Variants in PID1 observed in about 807,000 individuals in gnomAD.
The protein encoded by PID1 is PTB-containing, cubilin and LRP1-interacting protein.
A neutral mutation model predicts 19.1 loss-of-function variants in PID1; 10 were observed. The ratio of observed to expected loss-of-function variants is 0.52; its 90% confidence interval spans 0.32 to 0.89. The LOEUF is 0.89. PID1 is among the 40% of genes least tolerant of loss of function. The pLI, the probability that PID1 is intolerant of heterozygous loss-of-function variation, is 0.03. For synonymous variants in PID1, 130 were observed against 116.0 expected (o/e 1.12, Z -0.78); for missense variants, 248 against 285.3 (o/e 0.87, Z 0.94).
chr2:229,067,342 C>T (rs1182677741), intron 2 of PID1, among the ~76,000 whole-genome samples: 1 of 152,024 alleles, frequency 6.6e-6, no homozygotes, highest in East Asian at 1.9e-4. Flanking sequence ...AATTTCTTAG[C>T]ATAAAATCAT....
At chr2:229,235,796 C>T (rs1692313421) in intron 1 of PID1, among the ~76,000 whole-genome samples, 1 of 152,046 alleles carries the variant, frequency 6.6e-6, no homozygotes, top group African/African-American at 2.4e-5. Flanking sequence ...CAGTCTGAAG[C>T]AAGAAGAAAC....
intron 2 of PID1, among the ~76,000 whole-genome samples, chr2:229,102,102 G>C (rs1214585929): frequency 6.6e-6 from 1 of 152,038 alleles, no homozygotes; most frequent in African/African-American, 2.4e-5. Context: ...CAGGGGGCCA[G>C]GCAAGGCAAG....
At chr2:229,163,140 T>C (rs1404702152) in intron 1 of PID1, among the ~76,000 whole-genome samples, 2 of 152,200 alleles carry the variant, frequency 1.3e-5, no homozygotes, top group Admixed American at 6.5e-5. Context: ...AGAGTTTGTC[T>C]ATTTTTTCCT....
chr2:229,172,253 G>A lies in PID1; in HGVS notation c.31-16289C>T, dbSNP rs75734824. Among the ~76,000 whole-genome samples, 1,283 of 152,294 alleles carry A rather than the reference G, an allele frequency of 8.4e-3. 6 individuals carry two copies. The highest frequency in any genetic ancestry group is 0.017 in the African/African-American group (700 of 41,554). On this transcript the variant is annotated intron_variant, in intron 1 of 2. Coordinates refer to ENST00000392055, the MANE Select transcript of PID1 (RefSeq NM_001100818.2). ...TCAGGGTGGAATGTCATTCCTGACC[G>A]GAGGGAATGCACAGGCAAGTTTGAA...
At chr2:229,237,417 G>C (rs1447583581) in intron 1 of PID1, among the ~76,000 whole-genome samples, 1 of 152,106 alleles carries the variant, frequency 6.6e-6, no homozygotes, top group Non-Finnish European at 1.5e-5. Flanking sequence ...TATAAATATT[G>C]CCACACCAAA....
At chr2:229,079,625 C>G (rs576697663) in intron 2 of PID1, among the ~76,000 whole-genome samples, 1 of 152,184 alleles carries the variant, frequency 6.6e-6, no homozygotes, top group Non-Finnish European at 1.5e-5. Context: ...ACTACAAGTT[C>G]TTTTCTGTCC....
chr2:229,261,253 C>A (rs1690455773), intron 1 of PID1, among the ~76,000 whole-genome samples: 1 of 152,154 alleles, frequency 6.6e-6, no homozygotes, highest in Admixed American at 6.5e-5. Context: ...GCGGGACAAC[C>A]CACAGTACCA....
intron 2 of PID1, among the ~76,000 whole-genome samples, chr2:229,093,107 T>C (rs761196962): frequency 6.7e-6 from 1 of 150,190 alleles, no homozygotes; most frequent in Non-Finnish European, 1.5e-5. Flanking sequence ...CCTCCCCTTT[T>C]CTGGTCTGGT....
intron 1 of PID1, among the ~76,000 whole-genome samples, chr2:229,201,438 G>A (rs1023047584): frequency 6.6e-6 from 1 of 151,936 alleles, no homozygotes; most frequent in African/African-American, 2.4e-5. Flanking sequence ...CATCCATGTC[G>A]TGGCATGTGT....
chr2:229,040,605 G>C (rs924238151), intron 2 of PID1, among the ~76,000 whole-genome samples: 2 of 152,008 alleles, frequency 1.3e-5, no homozygotes, highest in African/African-American at 4.8e-5. Flanking sequence ...AAGAGAAACA[G>C]GGAGAAAATA....
intron 1 of PID1, among the ~76,000 whole-genome samples, chr2:229,255,288 A>C (rs1028027627): frequency 3.9e-5 from 6 of 152,192 alleles, no homozygotes; most frequent in African/African-American, 1.4e-4. Flanking sequence ...TTATGCTAAA[A>C]ATCATCAGAA....
At chr2:229,236,964 C>A (rs553211002) in intron 1 of PID1, among the ~76,000 whole-genome samples, 3 of 145,228 alleles carry the variant, frequency 2.1e-5, no homozygotes, top group Non-Finnish European at 3.0e-5. Flanking sequence ...GCCTAGCATG[C>A]GGCCTTCTCC....
In PID1 at chr2:229,045,515, C is replaced by T. The variant is rs139836713; in HGVS notation, c.178-19407G>A. Among the ~76,000 whole-genome samples the T allele has an allele frequency of 1.5e-3, 233 of 152,264 alleles. 2 individuals carry two copies. Among genetic ancestry groups the T allele is most frequent in the African/African-American group, 5.2e-3 (216 of 41,556 alleles). ...CTTGACTTGTGTCCATGGTTCTGTTCCTTTGTTCAAGGTTTCTGGGCTTTC... is the reference window on the plus strand; with the variant it reads ...CTTGACTTGTGTCCATGGTTCTGTTTCTTTGTTCAAGGTTTCTGGGCTTTC... On this transcript the variant is annotated intron_variant, in intron 2 of 2. Coordinates refer to ENST00000392055, the MANE Select transcript of PID1 (RefSeq NM_001100818.2).
chr2:229,251,379 A>C (rs540635116), intron 1 of PID1, among the ~76,000 whole-genome samples: 1 of 152,300 alleles, frequency 6.6e-6, no homozygotes, highest in Non-Finnish European at 1.5e-5. Context: ...CCGTTGGTCA[A>C]GAATTACTAA....
Position 229,225,252 on chromosome 2 carries a change from A to T in PID1, c.30+45762T>A, listed in dbSNP as rs559973101. Among the ~76,000 whole-genome samples, 23 of 152,200 alleles carry T rather than the reference A, an allele frequency of 1.5e-4. No individual in the cohort carries two copies. In the South Asian group the frequency reaches 2.9e-3, roughly 19 times the overall value. On this transcript the variant is annotated intron_variant, in intron 1 of 2. Coordinates refer to ENST00000392055, the MANE Select transcript of PID1 (RefSeq NM_001100818.2). ...TTAGTAAAATGGAGATTGTAGTGGGAATGAAATTAGCTAATGTGTACGGAA... is the reference window on the plus strand; with the variant it reads ...TTAGTAAAATGGAGATTGTAGTGGGTATGAAATTAGCTAATGTGTACGGAA...
At chr2:229,236,784 CCACAGTAATTAT>C (rs948596759) in intron 1 of PID1, among the ~76,000 whole-genome samples, 3 of 152,000 alleles carry the variant, frequency 2.0e-5, no homozygotes, top group African/African-American at 7.3e-5. Flanking sequence ...ACAGATAAAG[CCACAGTAATTAT>C]CACAGAGCAG....
At chr2:229,059,770 C>T (rs542640969) in intron 2 of PID1, among the ~76,000 whole-genome samples, 1 of 152,240 alleles carries the variant, frequency 6.6e-6, no homozygotes, top group South Asian at 2.1e-4. Flanking sequence ...TTTACCTCAC[C>T]TTGCGACATC....
At chr2:229,088,453 G>A (rs1029110650) in intron 2 of PID1, among the ~76,000 whole-genome samples, 3 of 152,122 alleles carry the variant, frequency 2.0e-5, no homozygotes, top group African/African-American at 2.4e-5. Context: ...GAAAGGAAGC[G>A]AGGAAAAGAA....
Position 229,199,723 on chromosome 2 carries a change from TA to T in PID1, c.31-43760del, listed in dbSNP as rs1472938952. Among the ~76,000 whole-genome samples the T allele has an allele frequency of 2.2e-3, 225 of 103,134 alleles. 1 individual carries two copies. The highest frequency in any genetic ancestry group is 9.2e-3 in the African/African-American group (218 of 23,668). 67.7% of individuals were successfully genotyped at this position (103,134 alleles called of 152,430 possible). Reference sequence around the variant, plus strand: ...AGACAAATGGGAAATATCTAATTTATATATATATATATATATATATATACAC... The same window carrying T: ...AGACAAATGGGAAATATCTAATTTATTATATATATATATATATATATACAC... On this transcript the variant is annotated intron_variant, in intron 1 of 2. Coordinates refer to ENST00000392055, the MANE Select transcript of PID1 (RefSeq NM_001100818.2).
Sources: allele counts gnomAD v4.1 joint callset (sites outside exome capture counted in the v4.1 genomes callset), GRCh38; gene constraint gnomAD v4.1.1; transcripts MANE v1.5; gene names NCBI Gene and HGNC (gene_info 2026-07-23, HGNC 2026-07-21).